The following YME1L1 variants were observed in gnomAD, a reference collection of about 807,000 sequenced individuals.
The protein encoded by YME1L1 is YME1 like 1 ATPase.
YME1L1 carries 39 observed loss-of-function variants against 90.4 expected under a neutral mutation model. The ratio of observed to expected loss-of-function variants is 0.43; its 90% CI spans 0.33 to 0.56. The LOEUF (loss-of-function observed/expected upper bound fraction) is 0.56, where lower values mean the gene tolerates loss of function less well. YME1L1 is among the 20% of genes least tolerant of loss of function. The pLI is 0.03. For missense variants in YME1L1, 617 were observed against 868.4 expected, an observed-to-expected ratio of 0.71 and a Z score of 3.64; for synonymous variants, 284 against 287.3, an observed-to-expected ratio of 0.99 and a Z score of 0.12.
chr10:27,115,506 G>T (rs1008859682), intron 17 of YME1L1, among the ~76,000 whole-genome samples: 2 of 151,716 alleles, frequency 1.3e-5, no homozygotes, highest in Non-Finnish European at 2.9e-5. Context: ...AGATGGGGTT[G>T]TGCCATGTTG....
Position 27,122,960 on chromosome 10 carries a change from C to T in YME1L1, c.1116G>A (p.Ala372=), listed in dbSNP as rs1210320351. 11 of 1,611,004 alleles carry T rather than the reference C, an allele frequency of 6.8e-6. No individual in the cohort carries two copies. Among genetic ancestry groups the T allele is most frequent in the Admixed American group, 3.4e-5 (2 of 59,608 alleles). ...CAATAAATATAACACAAGGAGCATT[C>T]GCCTTTGCTTCCCCTAAGAAAACAA... is the stretch of plus-strand genomic sequence containing the variant. ...RIRNLFREAK[A]NAPCVIFIDE... is the part of the protein sequence containing the mutation. Residue 372 remains alanine, a synonymous_variant, in exon 11 of 19, where the codon GCG becomes GCA. Coordinates refer to ENST00000376016, the MANE Select transcript of YME1L1 (RefSeq NM_014263.4).
chr10:27,120,380 G>T (rs2056854672), intron 13 of YME1L1, 55 bp downstream of exon 13: 6 of 1,242,782 alleles, frequency 4.8e-6, no homozygotes, highest in Non-Finnish European at 7.0e-6. Context: ...CACAAACAGG[G>T]TGAGTGGTAT....
intron 1 of YME1L1, 94 bp downstream of exon 1, chr10:27,154,084 G>T: frequency 2.0e-6 from 3 of 1,465,060 alleles, no homozygotes; most frequent in Non-Finnish European, 2.8e-6. Flanking sequence ...TTCATTTCTA[G>T]AGTCCCTTCT....
chr10:27,113,684 A>AG (rs1183214631), intron 18 of YME1L1, among the ~76,000 whole-genome samples: 2 of 151,522 alleles, frequency 1.3e-5, no homozygotes, highest in Non-Finnish European at 1.5e-5. Context: ...AAAAAAAAAA[A>AG]AAAAGAAAAA....
intron 17 of YME1L1, 122 bp from the exon 18 acceptor site, chr10:27,114,729 T>C (rs1441744480): frequency 1.5e-6 from 1 of 660,216 alleles, no homozygotes; most frequent in Non-Finnish European, 2.4e-6. Context: ...AGAAGTACAA[T>C]AGAAAACTGC....
chr10:27,140,510 C>T (rs563274925), intron 4 of YME1L1, among the ~76,000 whole-genome samples: 2 of 152,142 alleles, frequency 1.3e-5, no homozygotes, highest in South Asian at 2.1e-4. Context: ...GACGGAGTCT[C>T]GCTCTGTTGC....
intron 4 of YME1L1, among the ~76,000 whole-genome samples, chr10:27,137,351 T>C (rs1314579837): frequency 1.3e-5 from 2 of 152,226 alleles, no homozygotes; most frequent in African/African-American, 2.4e-5. Flanking sequence ...ACTTTTCCAA[T>C]TTATCACAGT....
intron 1 of YME1L1, among the ~76,000 whole-genome samples, chr10:27,149,769 T>TA (rs759244720): frequency 0.065 from 4,324 of 66,372 alleles, 130 homozygotes; most frequent in Non-Finnish European, 0.085. Context: ...CATCCAACAT[T>TA]TAAAAAAAAA....
At chr10:27,147,033 C>CG (rs1564468982) in intron 2 of YME1L1, 1 of 234,948 alleles carries the variant, frequency 4.3e-6, no homozygotes, top group Non-Finnish European at 8.3e-6. Context: ...GGCTTAGGGA[C>CG]GGGGGCAAAC....
intron 4 of YME1L1, among the ~76,000 whole-genome samples, chr10:27,137,527 T>C (rs2057041863): frequency 6.6e-6 from 1 of 152,222 alleles, no homozygotes; most frequent in African/African-American, 2.4e-5. Context: ...AAGAGACTAC[T>C]TTCTAAAAAA....
chr10:27,111,731 G>C lies in YME1L1; in HGVS notation c.*246C>G, dbSNP rs549711028. The C allele has an allele frequency of 1.8e-6, 1 of 566,580 alleles. No individual in the cohort carries two copies. The highest frequency in any genetic ancestry group is 3.2e-6 in the Non-Finnish European group (1 of 313,302). 35.1% of individuals were successfully genotyped at this position (566,580 alleles called of 1,614,324 possible). On this transcript the variant is annotated 3_prime_UTR_variant, in exon 19 of 19. Coordinates refer to ENST00000376016, the MANE Select transcript of YME1L1 (RefSeq NM_014263.4). ...TAACTAATTGACATTCCTCAAAAGA[G>C]CTGTTTTCAATCCTGATAGTTCTTT... is the stretch of plus-strand genomic sequence containing the variant.
chr10:27,114,326 A>G (rs1459380715), intron 18 of YME1L1, among the ~76,000 whole-genome samples, 195 bp downstream of exon 18: 1 of 152,202 alleles, frequency 6.6e-6, no homozygotes, highest in Non-Finnish European at 1.5e-5. Context: ...AATAACATTT[A>G]AATCATTGCT....
chr10:27,121,451 A>G lies in YME1L1; in HGVS notation c.1236-3T>C. 6.3e-7 allele frequency: 1 copy of G among 1,583,040 alleles called. No individual in the cohort carries two copies. The highest frequency in any genetic ancestry group is 8.7e-7 in the Non-Finnish European group (1 of 1,152,412). On this transcript the variant is annotated splice_region_variant and splice_polypyrimidine_tract_variant and intron_variant, in intron 11 of 18. Coordinates refer to ENST00000376016, the MANE Select transcript of YME1L1 (RefSeq NM_014263.4). ...TAACTCCTTCATTGGGTTTAAAACT[A>G]TATTGGAAAAAAAATAGTATCTTTT...
chr10:27,141,251 C>T (rs1331175035), intron 4 of YME1L1, among the ~76,000 whole-genome samples: 1 of 152,092 alleles, frequency 6.6e-6, no homozygotes, highest in Non-Finnish European at 1.5e-5. Flanking sequence ...CAAAAATTAG[C>T]TGGGCCTGGT....
chr10:27,140,506 GTC>G (rs1334282096), intron 4 of YME1L1, among the ~76,000 whole-genome samples: 1 of 152,136 alleles, frequency 6.6e-6, no homozygotes, highest in Non-Finnish European at 1.5e-5. Flanking sequence ...TTGAGACGGA[GTC>G]TCGCTCTGTT....
chr10:27,119,531 G>C, intron 13 of YME1L1, 82 bp from the exon 14 acceptor site: 1 of 1,443,996 alleles, frequency 6.9e-7, no homozygotes, highest in Non-Finnish European at 9.2e-7. Flanking sequence ...CATTCCAACT[G>C]GGTGCGTTGG....
chr10:27,139,784 C>A (rs115093092), intron 4 of YME1L1, among the ~76,000 whole-genome samples: 62 of 152,202 alleles, frequency 4.1e-4, no homozygotes, highest in African/African-American at 1.4e-3. Context: ...AATTTTAAAA[C>A]CTTCACATAT....
chr10:27,117,814 C>T (rs2056828981), intron 14 of YME1L1, 87 bp from the exon 15 acceptor site: 1 of 1,358,192 alleles, frequency 7.4e-7, no homozygotes, highest in South Asian at 1.3e-5. Context: ...ATCAAATACA[C>T]TCCACCCTTC....
intron 18 of YME1L1, among the ~76,000 whole-genome samples, chr10:27,113,284 T>C (rs1384147859): frequency 8.4e-6 from 1 of 118,688 alleles, no homozygotes; most frequent in Non-Finnish European, 1.7e-5. Context: ...CATGAATGGG[T>C]AGCTTCAACA....
Sources: allele counts gnomAD v4.1 joint callset (sites outside exome capture counted in the v4.1 genomes callset), GRCh38; gene constraint gnomAD v4.1.1; transcripts MANE v1.5; gene names NCBI Gene and HGNC (gene_info 2026-07-23, HGNC 2026-07-21).